Variants in RANBP2 observed in about 807,000 individuals in gnomAD.
The protein encoded by RANBP2 is RAN binding protein 2.
Under a neutral mutation model 303.6 loss-of-function variants are expected in RANBP2, and 57 were observed. That is an observed-to-expected ratio of 0.19 (90% CI 0.15 to 0.23). The LOEUF is 0.23. Among genes scored for constraint, RANBP2 ranks in the 10% least tolerant of loss-of-function variants. The pLI is 1.00. For synonymous variants in RANBP2, 1,167 were observed against 1,301.5 expected, an observed-to-expected ratio of 0.90 and a Z score of 2.23; for missense variants, 3,138 against 3,780.8, an observed-to-expected ratio of 0.83 and a Z score of 4.46.
At chr2:108,999,729 G>T in the RANBP2 span, among the ~76,000 whole-genome samples, 1 of 152,326 alleles carries the variant, frequency 6.6e-6, no homozygotes, top group East Asian at 1.9e-4. Context: ...CTTCCTAGAA[G>T]GCAAAGATTA....
At chr2:109,131,840 A>T in the RANBP2 span, among the ~76,000 whole-genome samples, 1 of 152,004 alleles carries the variant, frequency 6.6e-6, no homozygotes, top group Non-Finnish European at 1.5e-5. Context: ...TGTTTTTGGG[A>T]TGTTTCTGGA....
At chr2:109,351,466 C>G in the RANBP2 span, among the ~76,000 whole-genome samples, 3 of 152,364 alleles carry the variant, frequency 2.0e-5, no homozygotes, top group Non-Finnish European at 4.4e-5. Context: ...GTTTGAGCAG[C>G]TAACTCTATA....
the RANBP2 span, among the ~76,000 whole-genome samples, chr2:108,852,751 A>G: frequency 6.6e-6 from 1 of 152,130 alleles, no homozygotes; most frequent in Non-Finnish European, 1.5e-5. Context: ...GGCCTATCAG[A>G]GGGTGGGAGG....
At chr2:109,562,911 CT>C in the RANBP2 span, among the ~76,000 whole-genome samples, 251 of 145,480 alleles carry the variant, frequency 1.7e-3, 1 homozygote, top group Middle Eastern at 3.6e-3. Flanking sequence ...ACACACAATG[CT>C]TTTTTTTTTT....
At chr2:109,712,229 G>A in the RANBP2 span, among the ~76,000 whole-genome samples, 1 of 152,082 alleles carries the variant, frequency 6.6e-6, no homozygotes, top group Admixed American at 6.5e-5. Context: ...GACAGGCCTG[G>A]AATGGAGAGA....
chr2:109,089,107 C>T, the RANBP2 span, among the ~76,000 whole-genome samples: 3 of 151,994 alleles, frequency 2.0e-5, no homozygotes, highest in African/African-American at 4.8e-5. Flanking sequence ...AACAGGAAGC[C>T]CCACAGGAGG....
intron 7 of RANBP2, among the ~76,000 whole-genome samples, chr2:108,744,230 C>A (rs1481273603): frequency 6.6e-6 from 1 of 152,008 alleles, no homozygotes; most frequent in Non-Finnish European, 1.5e-5. Flanking sequence ...ATGGTCAAAC[C>A]CCATCTCTAC....
chr2:109,265,297 A>G, the RANBP2 span, among the ~76,000 whole-genome samples: 13 of 152,202 alleles, frequency 8.5e-5, no homozygotes, highest in Admixed American at 6.5e-5. Context: ...GTGTTCGCCA[A>G]CTGCTGGAGA....
chr2:109,438,109 T>C, the RANBP2 span, among the ~76,000 whole-genome samples: 2 of 152,214 alleles, frequency 1.3e-5, no homozygotes, highest in Non-Finnish European at 2.9e-5. Context: ...CCATTAGAAG[T>C]GTCCAGAAAG....
chr2:108,977,320 A>G, the RANBP2 span, among the ~76,000 whole-genome samples: 3 of 151,990 alleles, frequency 2.0e-5, no homozygotes, highest in South Asian at 2.1e-4. Context: ...CCAGGCTGGA[A>G]TGCAGTGGCG....
the RANBP2 span, among the ~76,000 whole-genome samples, chr2:109,468,814 AG>A: frequency 1.4e-5 from 2 of 147,272 alleles, no homozygotes; most frequent in Non-Finnish European, 3.0e-5. Context: ...AGATCGCGGC[AG>A]TGCACTCCAG....
the RANBP2 span, among the ~76,000 whole-genome samples, chr2:109,763,824 A>G: frequency 1.2e-4 from 18 of 149,550 alleles, 1 homozygote; most frequent in South Asian, 8.8e-4. Flanking sequence ...TCATTTTCCA[A>G]TTGAACAAAT....
At chr2:109,365,034 G>GAC in the RANBP2 span, among the ~76,000 whole-genome samples, 1,137 of 149,610 alleles carry the variant, frequency 7.6e-3, 15 homozygotes, top group African/African-American at 0.027. Context: ...AAGAAACACA[G>GAC]ACACACACAC....
chr2:109,729,170 C>G, the RANBP2 span, among the ~76,000 whole-genome samples: 1 of 152,198 alleles, frequency 6.6e-6, no homozygotes, highest in Admixed American at 6.5e-5. Context: ...AACTTTCCAA[C>G]TTATTTTTTC....
chr2:109,616,034 C>G, the RANBP2 span: 1 of 1,516,118 alleles, frequency 6.6e-7, no homozygotes, highest in Admixed American at 2.3e-5. Flanking sequence ...ACTCGCCCTT[C>G]ACATTGAGAC....
the RANBP2 span, among the ~76,000 whole-genome samples, chr2:109,566,769 T>C: frequency 3.3e-5 from 5 of 152,230 alleles, no homozygotes; most frequent in South Asian, 1.0e-3. Flanking sequence ...AAGGAAAAGA[T>C]TCTGAACAAA....
the RANBP2 span, among the ~76,000 whole-genome samples, chr2:109,482,105 C>T: frequency 2.0e-5 from 3 of 152,222 alleles, no homozygotes; most frequent in Non-Finnish European, 2.9e-5. Flanking sequence ...CAGCAAGTCC[C>T]GGGTTCGAAT....
chr2:109,370,304 A>G, the RANBP2 span, among the ~76,000 whole-genome samples: 1 of 149,672 alleles, frequency 6.7e-6, no homozygotes, highest in Non-Finnish European at 1.5e-5. Context: ...CAGAGGTACG[A>G]TCTCGGCTCA....
chr2:108,995,225 A>G, the RANBP2 span, among the ~76,000 whole-genome samples: 4 of 152,090 alleles, frequency 2.6e-5, no homozygotes, highest in African/African-American at 9.7e-5. Flanking sequence ...AAGTAGTGAG[A>G]CTGCGGCTCA....
Sources: allele counts gnomAD v4.1 joint callset (sites outside exome capture counted in the v4.1 genomes callset), GRCh38; gene constraint gnomAD v4.1.1; transcripts MANE v1.5; gene names NCBI Gene and HGNC (gene_info 2026-07-23, HGNC 2026-07-21).